CERS1: variants seen among roughly 807,000 people sequenced by gnomAD.
CERS1 encodes the protein ceramide synthase 1, also known as Embryonic growth/differentiation factor 1.
Under a neutral mutation model 35.7 loss-of-function variants are expected in CERS1, and 16 were observed. That is an observed-to-expected ratio of 0.45 (90% confidence interval 0.30 to 0.68). The LOEUF (loss-of-function observed/expected upper bound fraction) is 0.68, where lower values mean the gene tolerates loss of function less well. Ranked by LOEUF, CERS1 falls within the 30% of genes least tolerant of loss-of-function variation. CERS1 has a pLI of 0.08. For synonymous variants in CERS1, 243 were observed against 201.6 expected (o/e 1.21, Z -1.74); for missense variants, 454 against 453.9 (o/e 1.00, Z 0.00).
intron 2 of CERS1, among the ~76,000 whole-genome samples, chr19:18,885,291 C>A (rs2056321438): frequency 2.0e-5 from 3 of 152,144 alleles, no homozygotes; most frequent in African/African-American, 7.2e-5. Flanking sequence ...GCCTCGACCT[C>A]CTGGGCTCAA....
In CERS1 at chr19:18,868,773, G is replaced by C. The variant is rs1601142475; in HGVS notation, c.*1212C>G. On this transcript the variant is annotated 3_prime_UTR_variant, in exon 8 of 8. Coordinates refer to ENST00000623882, the MANE Select transcript of CERS1 (RefSeq NM_021267.5). ...AGCGCGCGCAGCACAGCGTGGTTGA[G>C]CGCCGGCGGCCCCCCGGACCCCGAC... 1.1e-5 allele frequency: 16 copies of C among 1,472,000 alleles called. No individual in the cohort carries two copies. The highest frequency in any genetic ancestry group is 1.4e-5 in the Non-Finnish European group (16 of 1,103,938). The allele number at this position is 1,472,000 out of a possible 1,614,324, so 91.2% of individuals were successfully genotyped here. A position where few individuals can be genotyped will look rare whatever the true frequency, so the allele number is the denominator to read the frequency against.
At position 18,879,400 on chromosome 19, in the gene CERS1, G is replaced by A; in HGVS notation, c.753-12C>T. The A allele has an allele frequency of 6.4e-7, 1 of 1,555,004 alleles. No individual in the cohort carries two copies. The highest frequency in any genetic ancestry group is 1.2e-5 in the South Asian group (1 of 84,380). On this transcript the variant is annotated splice_polypyrimidine_tract_variant and intron_variant, in intron 4 of 7. Transcript: ENST00000623882. ...GGCGGAACCAGAACCTGCGGTGGGA[G>A]GAGTCAGGAGGCCGTGGGTGGAGGG... is the stretch of plus-strand genomic sequence containing the variant.
At chr19:18,886,984 G>A (rs1355462429) in intron 2 of CERS1, among the ~76,000 whole-genome samples, 3 of 152,184 alleles carry the variant, frequency 2.0e-5, no homozygotes, top group East Asian at 1.9e-4. Flanking sequence ...ACACACAAAC[G>A]GTCACCATGA....
rs779941388 is a variant in CERS1, at chr19:18,884,095, G to A, written c.582C>T (p.Tyr194=). 60 of 1,613,026 alleles carry A rather than the reference G, an allele frequency of 3.7e-5. No individual in the cohort carries two copies. In the Middle Eastern group the frequency reaches 9.9e-4, roughly 27 times the overall value. The stretch of plus-strand genomic sequence containing the variant: ...CCCGATCCTGTCCTTACCGGAAGGC[G>A]TAGGAGGAGACGATGAGGATGAGAG... ...VVTLILIVSS[Y]AFRYHNVGIL... Residue 194 remains tyrosine (Y), a synonymous_variant, in exon 3 of 8, where the codon TAC becomes TAT. Transcript: ENST00000623882.
rs1555705560 is a variant in CERS1, at chr19:18,885,522, T to TG, written c.410-1256_410-1255insC. Among the ~76,000 whole-genome samples the TG allele has an allele frequency of 4.8e-3, 665 of 138,340 alleles. 4 individuals are homozygous for TG. The highest frequency in any genetic ancestry group is 0.012 in the Middle Eastern group (3 of 256). The allele number at this position is 138,340 out of a possible 152,430, so 90.8% of individuals were successfully genotyped here. A position where few individuals can be genotyped will look rare whatever the true frequency, so the allele number is the denominator to read the frequency against. ...CAGCGCCCCTTCTCGTTTTTTTTTTTTTTTTTTTTTTTTTTGAGATGGAGT... is the reference window on the plus strand; with the variant it reads ...CAGCGCCCCTTCTCGTTTTTTTTTTTGTTTTTTTTTTTTTTTGAGATGGAGT... On this transcript the variant is annotated intron_variant, in intron 2 of 7. Coordinates refer to ENST00000623882, the MANE Select transcript of CERS1 (RefSeq NM_021267.5).
At position 18,868,978 on chromosome 19, in the gene CERS1, G is replaced by A. The variant is rs2055907708; in HGVS notation, c.*1007C>T. On this transcript the variant is annotated 3_prime_UTR_variant, in exon 8 of 8. Transcript: ENST00000623882. The stretch of plus-strand genomic sequence containing the variant: ...CGTCGCGCCGCGGCCGGGCCAGGGG[G>A]TGGCACAGGCGCGGGTCGAGGGTCA... 1 of 1,139,954 alleles carries A rather than the reference G, an allele frequency of 8.8e-7. No individual in the cohort carries two copies. Among genetic ancestry groups the A allele is most frequent in the Admixed American group, 5.1e-5 (1 of 19,522 alleles). 70.6% of individuals were successfully genotyped at this position (1,139,954 alleles called of 1,614,324 possible). A position where few individuals can be genotyped will look rare whatever the true frequency, so the allele number is the denominator to read the frequency against.
At chr19:18,888,051 A>G (rs2056402852) in intron 2 of CERS1, among the ~76,000 whole-genome samples, 2 of 152,140 alleles carry the variant, frequency 1.3e-5, no homozygotes, top group South Asian at 4.1e-4. Flanking sequence ...TTCAAGCTAC[A>G]TACATTTTAC....
chr19:18,888,519 TAAA>T (rs781426705), intron 2 of CERS1, among the ~76,000 whole-genome samples: 3 of 59,042 alleles, frequency 5.1e-5, no homozygotes, highest in Non-Finnish European at 3.0e-5. Context: ...CCCTGTCTCT[TAAA>T]AAAAAAAAAA....
At chr19:18,883,254 C>A (rs1010130888) in intron 3 of CERS1, 1 of 152,126 alleles carries the variant, frequency 6.6e-6, no homozygotes, top group African/African-American at 2.4e-5. Context: ...CAGTGTATTT[C>A]ATTTTAAAGT....
At chr19:18,888,519 TA>T (rs781426705) in intron 2 of CERS1, among the ~76,000 whole-genome samples, 21,191 of 58,892 alleles carry the variant, frequency 0.36, 3,197 homozygotes, top group Admixed American at 0.44. Flanking sequence ...CCCTGTCTCT[TA>T]AAAAAAAAAA....
At chr19:18,884,367 T>G in intron 2 of CERS1, 100 bp from the exon 3 acceptor site, 1 of 1,111,422 alleles carries the variant, frequency 9.0e-7, no homozygotes, top group Non-Finnish European at 1.3e-6. Context: ...GTCCTCCCAG[T>G]ACCCAGGTAA....
chr19:18,895,258 G>A lies in CERS1; in HGVS notation c.249+566C>T, dbSNP rs2056596879. ...GCTCCTGCCTCTTCCCGATTACAGCGGGCAAGCCGGCCCCGCCGCCGCACG... is the reference window on the plus strand; with the variant it reads ...GCTCCTGCCTCTTCCCGATTACAGCAGGCAAGCCGGCCCCGCCGCCGCACG... On this transcript the variant is annotated intron_variant, in intron 1 of 7. Transcript: ENST00000623882. The surrounding 1 kb of genome is among the most constrained non-coding windows in gnomAD (Gnocchi z 6.4). 6.6e-6 allele frequency among the ~76,000 whole-genome samples: 1 copy of A among 152,240 alleles called. No individual in the cohort carries two copies. The highest frequency in any genetic ancestry group is 2.4e-5 in the African/African-American group (1 of 41,470).
chr19:18,885,826 G>A (rs1479336255), intron 2 of CERS1, among the ~76,000 whole-genome samples: 1 of 151,982 alleles, frequency 6.6e-6, no homozygotes, highest in Non-Finnish European at 1.5e-5. Flanking sequence ...GCCTCTTCCT[G>A]TCTTTAACAG....
rs563325636 is a variant in CERS1 at position 18,874,681 on chromosome 19, G to A, written c.1011-4062C>T. On this transcript the variant is annotated intron_variant, in intron 6 of 7. Transcript: ENST00000623882. Reference sequence around the variant, plus strand: ...ATGGGAGTGACCACAAGGAAGCTACGGGCGTCAGTGTAGGAGAGAAGGGTA... The same window carrying A: ...ATGGGAGTGACCACAAGGAAGCTACAGGCGTCAGTGTAGGAGAGAAGGGTA... Among the ~76,000 whole-genome samples, 92 of 152,332 alleles carry A rather than the reference G, an allele frequency of 6.0e-4. 2 individuals are homozygous for A. The highest frequency in any genetic ancestry group is 2.3e-3 in the South Asian group (11 of 4,826).
At chr19:18,879,085 C>T (rs2056126440) in intron 5 of CERS1, 46 bp from the exon 6 acceptor site, 2 of 1,602,852 alleles carry the variant, frequency 1.2e-6, no homozygotes, top group African/African-American at 2.7e-5. Flanking sequence ...AGCCCCCACG[C>T]CACTGCCCTG....
At chr19:18,879,075 A>G in intron 5 of CERS1, 36 bp from the exon 6 acceptor site, 1 of 1,606,834 alleles carries the variant, frequency 6.2e-7, no homozygotes, top group South Asian at 1.1e-5. Context: ...GTGAGAAGAA[A>G]GCCCCCACGC....
chr19:18,878,226 C>T lies in CERS1; in HGVS notation c.1010+704G>A, dbSNP rs2056100066. 1.0e-6 allele frequency: 1 copy of T among 985,710 alleles called. No individual in the cohort carries two copies. The allele number at this position is 985,710 out of a possible 1,614,324, so 61.1% of individuals were successfully genotyped here. ...TCCTGCTCAAACACTCCTCACGTTG[C>T]CTATGAGACACTGCACACCCGACTC... On this transcript the variant is annotated intron_variant, in intron 6 of 7. Transcript: ENST00000623882. The surrounding 1 kb of genome is among the most constrained non-coding windows in gnomAD (Gnocchi z 4.6).
At position 18,878,963 on chromosome 19, in the gene CERS1, G is replaced by C; in HGVS notation, c.977C>G (p.Ala326Gly). The C allele has an allele frequency of 6.2e-7, 1 of 1,613,776 alleles. No homozygotes were observed. Among genetic ancestry groups the C allele is most frequent in the Non-Finnish European group, 8.5e-7 (1 of 1,179,854 alleles). Residue 326 changes from alanine (A) to glycine (G), a missense_variant, in exon 6 of 8, where the codon GCC becomes GGC. Ala to Gly is a moderately conservative substitution (Grantham distance 60). Transcript: ENST00000623882. The surrounding 1 kb of genome is among the most constrained non-coding windows in gnomAD (Gnocchi z 4.6). Reference sequence around the variant, plus strand: ...GCTGGGCTTCAGGCTCTGGGCCTCGGCTGTGTCATACTCCCGCAGGTCCTT... The same window carrying C: ...GCTGGGCTTCAGGCTCTGGGCCTCGCCTGTGTCATACTCCCGCAGGTCCTT... ...ELKDLREYDT[A>G]EAQSLKPSKA...
chr19:18,869,285 C>T lies in CERS1; in HGVS notation c.*700G>A, dbSNP rs771276786. 4.7e-6 allele frequency: 7 copies of T among 1,504,634 alleles called. No homozygotes were observed. The highest frequency in any genetic ancestry group is 2.9e-5 in the African/African-American group (2 of 69,080). The allele number at this position is 1,504,634 out of a possible 1,614,324, so 93.2% of individuals were successfully genotyped here. Reference sequence around the variant, plus strand: ...CGCGAAACGCAGCTCCAGGCGGGCCCGGCTCGGGCGCTCAGCGGGTTCCAC... The same window carrying T: ...CGCGAAACGCAGCTCCAGGCGGGCCTGGCTCGGGCGCTCAGCGGGTTCCAC... On this transcript the variant is annotated 3_prime_UTR_variant, in exon 8 of 8. Transcript: ENST00000623882.
Sources: allele counts gnomAD v4.1 joint callset (sites outside exome capture counted in the v4.1 genomes callset), GRCh38; gene constraint gnomAD v4.1.1; non-coding constraint Gnocchi (gnomAD v3.1); transcripts MANE v1.5; gene names NCBI Gene and HGNC (gene_info 2026-07-23, HGNC 2026-07-21).